The following SPATA22 variants were observed in gnomAD, a reference collection of about 807,000 sequenced individuals.
The protein encoded by SPATA22 is spermatogenesis associated 22, also known as spermatogenesis-associated protein 22.
In SPATA22, 29 loss-of-function variants were observed where a neutral mutation model predicts 47.8. That is an observed-to-expected ratio of 0.61 (90% CI 0.45 to 0.83). The LOEUF is 0.83. Ranked by LOEUF, SPATA22 falls within the 40% of genes least tolerant of loss-of-function variation. The pLI is 0.00. For synonymous variants in SPATA22, 133 were observed against 140.9 expected (o/e 0.94, Z 0.40); for missense variants, 410 against 421.7 (o/e 0.97, Z 0.24).
At chr17:3,461,340 G>T (rs1382433048) in intron 5 of SPATA22, among the ~76,000 whole-genome samples, 3 of 152,138 alleles carry the variant, frequency 2.0e-5, no homozygotes, top group Non-Finnish European at 4.4e-5. Flanking sequence ...CTGCCTGCAT[G>T]GATTTTTAAA....
chr17:3,456,631 T>A (rs1162225296), intron 5 of SPATA22, among the ~76,000 whole-genome samples: 4 of 152,262 alleles, frequency 2.6e-5, no homozygotes, highest in Non-Finnish European at 4.4e-5. Flanking sequence ...AAGGAAGAGC[T>A]GGTACCATTC....
Position 3,448,871 on chromosome 17 carries a change from T to C in SPATA22, c.608A>G (p.Asn203Ser), listed in dbSNP as rs1377162893. The change falls in exon 6 of 9, where the codon AAT (asparagine) becomes AGT (serine). Residue 203 changes from asparagine to serine, a missense_variant. By Grantham distance (46) the Asn-to-Ser change is conservative. Coordinates refer to ENST00000572969, the MANE Select transcript of SPATA22 (RefSeq NM_001170698.2). Reference sequence around the variant, plus strand: ...TTTCTTATATTGATTTTGTTGAAAATTGGGCTTAAGTGTCTGTAGTGCACT... The same window carrying C: ...TTTCTTATATTGATTTTGTTGAAAACTGGGCTTAAGTGTCTGTAGTGCACT... ...KNSALQTLKPNFQQNQYKKQM... is the reference protein window; with the variant it reads ...KNSALQTLKPSFQQNQYKKQM... The C allele has an allele frequency of 6.8e-6, 11 of 1,613,212 alleles. No individual in the cohort carries two copies. Among genetic ancestry groups the C allele is most frequent in the South Asian group, 1.1e-5 (1 of 90,666 alleles).
At chr17:3,479,613 A>G (rs181626433) in intron 1 of SPATA22, among the ~76,000 whole-genome samples, 63 of 151,796 alleles carry the variant, frequency 4.2e-4, no homozygotes, top group East Asian at 2.7e-3. Context: ...CACCATCTCA[A>G]CGTGGCCCTT....
Position 3,488,872 on chromosome 17 carries a change from C to T in SPATA22, c.-73-19474G>A, listed in dbSNP as rs1489667167. ...TCTTAACAGTTTCTCTTCAGGTCCA[C>T]CTATTATTTTGTCAGCATAAACTTG... On this transcript the variant is annotated intron_variant, in intron 1 of 8. Coordinates refer to the SPATA22 transcript ENST00000541913. This position sits in a 1 kb window ranked among gnomAD's most constrained non-coding sequence, Gnocchi z 6.1. Among the ~76,000 whole-genome samples, 3 of 151,916 alleles carry T rather than the reference C, an allele frequency of 2.0e-5. No individual in the cohort carries two copies. Among genetic ancestry groups the T allele is most frequent in the Non-Finnish European group, 2.9e-5 (2 of 67,980 alleles).
At chr17:3,447,189 G>A (rs1344310621) in intron 6 of SPATA22, among the ~76,000 whole-genome samples, 1 of 152,098 alleles carries the variant, frequency 6.6e-6, no homozygotes, top group Admixed American at 6.5e-5. Flanking sequence ...AGAGAGAGAT[G>A]GGGGTTATTA....
intron 1 of SPATA22, among the ~76,000 whole-genome samples, chr17:3,482,863 A>G (rs545745120): frequency 6.6e-6 from 1 of 150,970 alleles, no homozygotes; most frequent in African/African-American, 2.4e-5. Context: ...ATATGTATAC[A>G]TGTGCCATGT....
At chr17:3,507,295 G>A (rs982811720) in intron 1 of SPATA22, among the ~76,000 whole-genome samples, 6 of 152,162 alleles carry the variant, frequency 3.9e-5, no homozygotes, top group Admixed American at 2.0e-4. Flanking sequence ...AACAAGGGTT[G>A]CTATAAACAT....
chr17:3,473,388 G>T (rs7220982), upstream of SPATA22, among the ~76,000 whole-genome samples: 1 of 151,982 alleles, frequency 6.6e-6, no homozygotes, highest in Non-Finnish European at 1.5e-5. Flanking sequence ...TTATCCCCCA[G>T]TCATACCATT....
At chr17:3,510,062 G>C (rs534280556) in intron 1 of SPATA22, among the ~76,000 whole-genome samples, 1 of 152,158 alleles carries the variant, frequency 6.6e-6, no homozygotes, top group African/African-American at 2.4e-5. Flanking sequence ...CTGGATATTA[G>C]ACCTTTGTCA....
intron 1 of SPATA22, among the ~76,000 whole-genome samples, chr17:3,504,227 C>T (rs2074020525): frequency 6.6e-6 from 1 of 152,194 alleles, no homozygotes; most frequent in Non-Finnish European, 1.5e-5. Context: ...TGCCACTTTG[C>T]CCCTCCTTCT....
chr17:3,500,187 A>G (rs1439730237), intron 1 of SPATA22: 1 of 152,286 alleles, frequency 6.6e-6, no homozygotes, highest in African/African-American at 2.4e-5. Context: ...GTTTAAGGAA[A>G]GAAGACAGCT....
intron 8 of SPATA22, 132 bp from the exon 9 acceptor site, chr17:3,440,470 C>T (rs918189271): frequency 3.1e-6 from 2 of 647,512 alleles, no homozygotes; most frequent in Non-Finnish European, 5.0e-6. Flanking sequence ...AGTCAGGGCC[C>T]CACTGCTAAC....
chr17:3,494,613 C>G (rs1373478546), intron 1 of SPATA22, among the ~76,000 whole-genome samples: 1 of 151,868 alleles, frequency 6.6e-6, no homozygotes, highest in Non-Finnish European at 1.5e-5. Flanking sequence ...GACTGTCGCT[C>G]AATAAATACT....
At chr17:3,447,586 A>G (rs1380339839) in intron 6 of SPATA22, among the ~76,000 whole-genome samples, 1 of 152,202 alleles carries the variant, frequency 6.6e-6, no homozygotes, top group Admixed American at 6.5e-5. Context: ...AAAACATGCA[A>G]AAACAAATTT....
At chr17:3,471,010 C>A (rs1045056513) in intron 1 of SPATA22, among the ~76,000 whole-genome samples, 6 of 151,996 alleles carry the variant, frequency 3.9e-5, no homozygotes, top group Non-Finnish European at 8.8e-5. Context: ...CAAAAATTAG[C>A]CGGGCATGGT....
At chr17:3,492,021 C>T (rs1021416440) in intron 1 of SPATA22, among the ~76,000 whole-genome samples, 1 of 151,866 alleles carries the variant, frequency 6.6e-6, no homozygotes, top group Non-Finnish European at 1.5e-5. Context: ...GGACTACAGG[C>T]GTGCACCACC....
intron 1 of SPATA22, chr17:3,499,050 A>G (rs1008846130): frequency 5.0e-6 from 8 of 1,614,132 alleles, no homozygotes; most frequent in Non-Finnish European, 6.8e-6. Context: ...AACTAAACTA[A>G]CGCTCAATGC....
chr17:3,462,752 G>T lies in SPATA22; in HGVS notation c.188C>A (p.Ala63Asp). Residue 63 changes from alanine (A) to aspartate (D), a missense_variant, in exon 4 of 9, where the codon GCT (alanine) becomes GAT (aspartate). Ala to Asp is a moderately radical substitution (Grantham distance 126). Transcript: ENST00000572969. The stretch of plus-strand genomic sequence containing the variant: ...TACAGGAGCCAACTCTGGATTCACA[G>T]CTTCCCAGGCCCAATCTCAAAAGAT... ...PPLPTDWAWE[A>D]VNPELAPVMK... 1 of 1,612,436 alleles carries T rather than the reference G, an allele frequency of 6.2e-7. No homozygotes were observed. Among genetic ancestry groups the T allele is most frequent in the Non-Finnish European group, 8.5e-7 (1 of 1,178,502 alleles).
intron 1 of SPATA22, among the ~76,000 whole-genome samples, chr17:3,486,865 G>A (rs1455761671): frequency 6.6e-6 from 1 of 151,964 alleles, no homozygotes; most frequent in South Asian, 2.1e-4. Context: ...TTAATTTTTC[G>A]ATACAAGATC....
Sources: allele counts gnomAD v4.1 joint callset (sites outside exome capture counted in the v4.1 genomes callset), GRCh38; gene constraint gnomAD v4.1.1; non-coding constraint Gnocchi (gnomAD v3.1); transcripts MANE v1.5; gene names NCBI Gene and HGNC (gene_info 2026-07-23, HGNC 2026-07-21).